Variants in AGBL1 observed in about 807,000 individuals in gnomAD.
AGBL1 encodes the protein AGBL carboxypeptidase 1, also known as cytosolic carboxypeptidase 4.
A neutral mutation model predicts 118.9 loss-of-function variants in AGBL1; 130 were observed. The observed-to-expected ratio is 1.09, with a 90% CI of 0.95 to 1.26. AGBL1 has a LOEUF of 1.26. Ranked by LOEUF, AGBL1 falls within the 50% of genes most tolerant of loss-of-function variation. AGBL1 has a pLI of 0.00. For missense variants in AGBL1, 1,584 were observed against 1,298.1 expected (o/e 1.22, Z -3.38); for synonymous variants, 555 against 478.9 (o/e 1.16, Z -2.08).
At chr15:86,240,380 G>A (rs1272983266) in intron 6 of AGBL1, among the ~76,000 whole-genome samples, 4 of 152,198 alleles carry the variant, frequency 2.6e-5, no homozygotes, top group Admixed American at 2.6e-4. Context: ...TCCCTGAAAA[G>A]ACCCCTAAGA....
At chr15:86,307,891 A>G (rs1211612778) in intron 17 of AGBL1, among the ~76,000 whole-genome samples, 1 of 152,142 alleles carries the variant, frequency 6.6e-6, no homozygotes, top group Non-Finnish European at 1.5e-5. Context: ...ACATTTACCT[A>G]TATTTTAGTC....
intron 1 of AGBL1, among the ~76,000 whole-genome samples, chr15:86,102,293 G>A (rs1293301183): frequency 1.3e-5 from 2 of 151,982 alleles, no homozygotes; most frequent in South Asian, 2.1e-4. Context: ...CGCTCACCTC[G>A]GCCTCCCCAA....
chr15:86,125,730 C>T (rs146155963), intron 1 of AGBL1, among the ~76,000 whole-genome samples: 1 of 152,308 alleles, frequency 6.6e-6, no homozygotes, highest in African/African-American at 2.4e-5. Context: ...AGCCATGTGT[C>T]CCAGATTCAT....
intron 18 of AGBL1, among the ~76,000 whole-genome samples, chr15:86,454,910 A>C (rs1402953154): frequency 1.3e-5 from 2 of 152,206 alleles, no homozygotes; most frequent in African/African-American, 4.8e-5. Context: ...AATTTAAAAT[A>C]AAAACAAAAA....
chr15:86,423,476 C>T (rs757000399), intron 18 of AGBL1, among the ~76,000 whole-genome samples: 2 of 151,598 alleles, frequency 1.3e-5, no homozygotes, highest in African/African-American at 4.8e-5. Flanking sequence ...AAAACCAGCA[C>T]TAGACAAGGA....
chr15:86,751,063 C>T (rs1356663423), intron 22 of AGBL1, among the ~76,000 whole-genome samples: 2 of 152,142 alleles, frequency 1.3e-5, no homozygotes, highest in African/African-American at 4.8e-5. Flanking sequence ...AGGTTGATTC[C>T]ATGTCTTCAC....
chr15:86,622,346 G>C lies in AGBL1; in HGVS notation c.2995-51927G>C, dbSNP rs1470865517. On this transcript the variant is annotated intron_variant, in intron 21 of 22. Transcript: ENST00000614907. ...ACTCCATCTCAAAAAAAAAAAAAAA[G>C]GGGGTAGGGGGTCCACACAAAAACC... 2.8e-5 allele frequency among the ~76,000 whole-genome samples: 4 copies of C among 144,766 alleles called. No individual in the cohort carries two copies. The South Asian group carries it at 8.6e-4, about 31-fold the overall frequency. 95.0% of individuals were successfully genotyped at this position (144,766 alleles called of 152,430 possible).
At chr15:86,534,649 A>G (rs2083399327) in intron 19 of AGBL1, among the ~76,000 whole-genome samples, 1 of 152,218 alleles carries the variant, frequency 6.6e-6, no homozygotes, top group African/African-American at 2.4e-5. Context: ...CAGACACAGC[A>G]AAGTTTGGTA....
At chr15:86,328,187 C>T (rs774032739) in intron 17 of AGBL1, among the ~76,000 whole-genome samples, 14 of 152,280 alleles carry the variant, frequency 9.2e-5, no homozygotes, top group Middle Eastern at 6.8e-3. Context: ...AGCTCCTAAA[C>T]ATGAGAGATC....
At chr15:86,541,545 A>AT (rs2083494556) in intron 19 of AGBL1, among the ~76,000 whole-genome samples, 2 of 143,148 alleles carry the variant, frequency 1.4e-5, no homozygotes, top group African/African-American at 5.2e-5. Flanking sequence ...GTGAGCCATG[A>AT]TTGCACCACT....
chr15:86,688,682 C>T (rs1188885242), intron 22 of AGBL1, among the ~76,000 whole-genome samples: 4 of 152,054 alleles, frequency 2.6e-5, no homozygotes, highest in African/African-American at 7.2e-5. Flanking sequence ...TTCAAACAAA[C>T]CTGATTTTAT....
At chr15:86,328,619 A>G (rs994781806) in intron 17 of AGBL1, among the ~76,000 whole-genome samples, 20 of 152,196 alleles carry the variant, frequency 1.3e-4, no homozygotes, top group African/African-American at 4.8e-4. Flanking sequence ...GAGGAGGAGA[A>G]TGTGGGTAAA....
intron 1 of AGBL1, chr15:86,140,246 G>C (rs1405910854): frequency 6.7e-6 from 1 of 148,944 alleles, no homozygotes; most frequent in Non-Finnish European, 1.5e-5. Context: ...CTTGATTACT[G>C]TGGGTTTTTT....
At chr15:86,596,169 A>G (rs892825459) in intron 21 of AGBL1, among the ~76,000 whole-genome samples, 1 of 152,022 alleles carries the variant, frequency 6.6e-6, no homozygotes, top group African/African-American at 2.4e-5. Flanking sequence ...TTAGCTGGAC[A>G]TGTTGGCGTG....
At chr15:86,131,328 G>C (rs2076815734) in intron 1 of AGBL1, among the ~76,000 whole-genome samples, 1 of 152,044 alleles carries the variant, frequency 6.6e-6, no homozygotes, top group African/African-American at 2.4e-5. Context: ...CCATCTCTTG[G>C]TGGTACACAT....
At chr15:86,359,985 C>G (rs1160749236) in intron 17 of AGBL1, among the ~76,000 whole-genome samples, 1 of 151,860 alleles carries the variant, frequency 6.6e-6, no homozygotes, top group Non-Finnish European at 1.5e-5. Flanking sequence ...TGCAAACAGA[C>G]ATAATTTTAC....
intron 24 of AGBL1, among the ~76,000 whole-genome samples, chr15:86,999,369 C>A (rs1156418035): frequency 6.8e-6 from 1 of 146,836 alleles, no homozygotes; most frequent in Non-Finnish European, 1.5e-5. Context: ...TATCCCTCCC[C>A]CCTGCCACCA....
intron 24 of AGBL1, among the ~76,000 whole-genome samples, chr15:87,022,643 G>A (rs1055476927): frequency 6.6e-6 from 1 of 152,020 alleles, no homozygotes; most frequent in Admixed American, 6.6e-5. Flanking sequence ...CATCGCCTAG[G>A]CACATTGTCA....
chr15:86,151,386 A>G (rs1347006462), intron 3 of AGBL1, among the ~76,000 whole-genome samples: 1 of 152,190 alleles, frequency 6.6e-6, no homozygotes, highest in Admixed American at 6.5e-5. Flanking sequence ...ACACAAATCA[A>G]TAAATGTAAT....
Sources: gnomAD v4.1 joint callset for allele counts (sites outside exome capture counted in the v4.1 genomes callset) on GRCh38, gnomAD v4.1.1 for gene constraint, MANE v1.5 for transcripts, NCBI Gene and HGNC (gene_info 2026-07-23, HGNC 2026-07-21) for gene names.